The following AMOT variants were observed in gnomAD, a reference collection of about 807,000 sequenced individuals.
AMOT encodes angiomotin.
Under a neutral mutation model 67.0 loss-of-function variants are expected in AMOT, and 11 were observed. That is an observed-to-expected ratio of 0.16 (90% CI 0.10 to 0.27). The LOEUF (loss-of-function observed/expected upper bound fraction) is 0.27, where lower values mean the gene tolerates loss of function less well. Among genes scored for constraint, AMOT ranks in the 10% least tolerant of loss-of-function variants. The pLI is 1.00. For synonymous variants in AMOT, 326 were observed against 321.4 expected, an observed-to-expected ratio of 1.01 and a Z score of -0.15; for missense variants, 753 against 852.0, an observed-to-expected ratio of 0.88 and a Z score of 1.45.
At chrX:112,797,843 A>T (rs1003027527) in intron 8 of AMOT, among the ~76,000 whole-genome samples, 1 of 109,002 alleles carries the variant, frequency 9.2e-6, no homozygotes, top group African/African-American at 3.3e-5. Flanking sequence ...GAGAAGGAGA[A>T]GAGGAAGAAG....
intron 1 of AMOT, among the ~76,000 whole-genome samples, chrX:112,839,875 A>AG (rs1935244820): frequency 9.0e-6 from 1 of 111,104 alleles, no homozygotes; most frequent in Admixed American, 9.6e-5. Flanking sequence ...TAAAGCAGAT[A>AG]GGGGCAACTC....
At chrX:112,814,313 T>A (rs1402574374) in intron 5 of AMOT, among the ~76,000 whole-genome samples, 1 of 110,388 alleles carries the variant, frequency 9.1e-6, no homozygotes, top group African/African-American at 3.3e-5. Flanking sequence ...AATCATCTGC[T>A]GATAATAAGC....
chrX:112,838,144 G>A (rs976715929), intron 1 of AMOT, among the ~76,000 whole-genome samples: 50 of 111,076 alleles, frequency 4.5e-4, no homozygotes, highest in African/African-American at 1.6e-3. Flanking sequence ...CCTCCTCATT[G>A]GTAACAACTC....
At chrX:112,837,735 G>GT (rs1935165235) in intron 1 of AMOT, among the ~76,000 whole-genome samples, 1 of 111,514 alleles carries the variant, frequency 9.0e-6, no homozygotes, top group Non-Finnish European at 1.9e-5. Context: ...GGAGGGAAAA[G>GT]TAAGTAAGAC....
intron 10 of AMOT, among the ~76,000 whole-genome samples, chrX:112,787,466 A>C (rs1172577396): frequency 8.9e-6 from 1 of 111,760 alleles, no homozygotes; most frequent in East Asian, 2.8e-4. Context: ...AAAGAAAATT[A>C]TAATTTTATG....
intron 8 of AMOT, among the ~76,000 whole-genome samples, chrX:112,795,213 TTCTC>T (rs781373630): frequency 3.7e-5 from 4 of 108,563 alleles, no homozygotes; most frequent in African/African-American, 1.0e-4. Flanking sequence ...CTCTCTTTCA[TTCTC>T]TCTCTCTTCC....
chrX:112,824,961 C>T (rs1231350344), intron 3 of AMOT, 111 bp downstream of exon 3: 3 of 109,965 alleles, frequency 2.7e-5, no homozygotes, highest in Non-Finnish European at 5.7e-5. Context: ...AAGTATACCA[C>T]CCCCTCCCAC....
At position 112,815,510 on chromosome X, in the gene AMOT, G is replaced by C. The variant is rs1934516863; in HGVS notation, c.1240C>G (p.Gln414Glu). The C allele has an allele frequency of 2.5e-6, 3 of 1,209,705 alleles. No homozygotes were observed. The highest frequency in any genetic ancestry group is 2.2e-5 in the Admixed American group (1 of 45,675). ...GGCTGATAAGAAGCAGAGGATGGCT[G>C]AGCCCGAGGCATAGCTGAATAGGCT... ...GEAYSAMPRA[Q>E]PSSASYQPVP... is the part of the protein sequence containing the mutation. Residue 414 changes from glutamine to glutamate, a missense_variant, in exon 5 of 14, where the codon CAG (glutamine) becomes GAG (glutamate). Transcript: ENST00000371959.
At chrX:112,801,206 G>T (rs144126727) in intron 8 of AMOT, among the ~76,000 whole-genome samples, 1,876 of 111,432 alleles carry the variant, frequency 0.017, 21 homozygotes, top group Non-Finnish European at 0.027. Context: ...AAAATCTCCA[G>T]CGAGGTCAAA....
At chrX:112,814,652 G>A (rs1271041339) in intron 5 of AMOT, among the ~76,000 whole-genome samples, 2 of 112,309 alleles carry the variant, frequency 1.8e-5, no homozygotes, top group Non-Finnish European at 3.8e-5. Context: ...GGTGGGCAGA[G>A]AAGAATGTGA....
chrX:112,833,162 T>C (rs188754400), intron 1 of AMOT, among the ~76,000 whole-genome samples: 5 of 111,847 alleles, frequency 4.5e-5, no homozygotes, highest in Admixed American at 9.5e-5. Flanking sequence ...GACCGTCACC[T>C]AAAGTGATGC....
chrX:112,800,156 G>A (rs763471715), intron 8 of AMOT, among the ~76,000 whole-genome samples: 4 of 110,958 alleles, frequency 3.6e-5, no homozygotes, highest in East Asian at 2.8e-4. Flanking sequence ...GCTTGAACCC[G>A]GGAGGCAGAG....
chrX:112,840,262 GC>G (rs2147841716), intron 1 of AMOT, among the ~76,000 whole-genome samples, 189 bp downstream of exon 1: 1 of 111,542 alleles, frequency 9.0e-6, no homozygotes, highest in South Asian at 3.8e-4. Context: ...CGGGAAAGCA[GC>G]GCACACTCTA....
chrX:112,832,574 C>G (rs771401960), intron 1 of AMOT, among the ~76,000 whole-genome samples: 10 of 111,881 alleles, frequency 8.9e-5, no homozygotes, highest in Admixed American at 1.9e-4. Context: ...AATTGCCCCT[C>G]CAGTTTTTAA....
chrX:112,787,380 A>C (rs1005506714), intron 10 of AMOT, among the ~76,000 whole-genome samples: 3 of 112,302 alleles, frequency 2.7e-5, no homozygotes, highest in Non-Finnish European at 5.6e-5. Context: ...ATGGGTTTCA[A>C]AATCATTGTG....
At chrX:112,828,571 A>G (rs763097659) in intron 2 of AMOT, among the ~76,000 whole-genome samples, 1 of 109,632 alleles carries the variant, frequency 9.1e-6, no homozygotes, top group Non-Finnish European at 1.9e-5. Context: ...AAAAACAAAA[A>G]CAAAAAAACT....
chrX:112,831,445 C>CAATAAATAAATA (rs35986965), intron 2 of AMOT, among the ~76,000 whole-genome samples: 45 of 94,592 alleles, frequency 4.8e-4, no homozygotes, highest in East Asian at 1.6e-3. Flanking sequence ...CCTAGGGTGG[C>CAATAAATAAATA]AATAAATAAA....
At chrX:112,782,940 C>A (rs1490781057) in intron 10 of AMOT, among the ~76,000 whole-genome samples, 2 of 111,377 alleles carry the variant, frequency 1.8e-5, no homozygotes, top group Non-Finnish European at 3.8e-5. Context: ...CAGATATCAT[C>A]CCAAAACCTT....
intron 7 of AMOT, 68 bp from the exon 8 acceptor site, chrX:112,805,160 G>A (rs1311312599): frequency 8.6e-7 from 1 of 1,160,419 alleles, no homozygotes; most frequent in African/African-American, 1.8e-5. Flanking sequence ...GAGCAAAATT[G>A]ACACATCATA....
Sources: gnomAD v4.1 joint callset for allele counts (sites outside exome capture counted in the v4.1 genomes callset) on GRCh38, gnomAD v4.1.1 for gene constraint, MANE v1.5 for transcripts, NCBI Gene and HGNC (gene_info 2026-07-23, HGNC 2026-07-21) for gene names.